BMPR2: variants seen among roughly 807,000 people sequenced by gnomAD.
BMPR2 encodes the protein bone morphogenetic protein receptor type-2.
A neutral mutation model predicts 100.8 loss-of-function variants in BMPR2; 29 were observed. That is an observed-to-expected ratio of 0.29 (90% CI 0.21 to 0.39). The LOEUF (loss-of-function observed/expected upper bound fraction) is 0.39, where lower values mean the gene tolerates loss of function less well. Among genes scored for constraint, BMPR2 ranks in the 10% least tolerant of loss-of-function variants. The pLI is 1.00. For synonymous variants in BMPR2, 382 were observed against 442.3 expected (o/e 0.86, Z 1.71); for missense variants, 1,011 against 1,274.5 (o/e 0.79, Z 3.15).
In BMPR2 at chr2:202,542,974, C is replaced by T. The variant is rs914083614; in HGVS notation, c.1413+527C>T. Among the ~76,000 whole-genome samples the T allele has an allele frequency of 2.6e-5, 4 of 151,552 alleles. No homozygotes were observed. The East Asian group carries it at 5.8e-4, about 22-fold the overall frequency. On this transcript the variant is annotated intron_variant, in intron 10 of 12. Coordinates refer to ENST00000374580, the MANE Select transcript of BMPR2 (RefSeq NM_001204.7). ...GGCAGATTGCCTGAGCTCAGGAGTT[C>T]GCGACCAGCCTGGGCAACATGGTGA...
intron 3 of BMPR2, among the ~76,000 whole-genome samples, chr2:202,477,425 T>C (rs1056623257): frequency 7.2e-5 from 11 of 152,176 alleles, no homozygotes; most frequent in Non-Finnish European, 1.5e-4. Context: ...ATGATATTTG[T>C]TGTTTCCTAT....
chr2:202,495,785 A>C lies in BMPR2; in HGVS notation c.419-17934A>C, dbSNP rs1431531993. ...TTCATTCTCTCCAATATATGAATTAATAATCCATTTCAGATTTTGAATTAA... is the reference window on the plus strand; with the variant it reads ...TTCATTCTCTCCAATATATGAATTACTAATCCATTTCAGATTTTGAATTAA... On this transcript the variant is annotated intron_variant, in intron 3 of 12. Transcript: ENST00000374580. This position sits in a 1 kb window ranked among gnomAD's most constrained non-coding sequence, Gnocchi z 4.5. Among the ~76,000 whole-genome samples the C allele has an allele frequency of 6.6e-6, 1 of 152,228 alleles. No individual in the cohort carries two copies. Among genetic ancestry groups the C allele is most frequent in the Non-Finnish European group, 1.5e-5 (1 of 68,040 alleles).
At position 202,513,740 on chromosome 2, in the gene BMPR2, G is replaced by C; in HGVS notation, c.440G>C (p.Arg147Pro). 6.2e-7 allele frequency: 1 copy of C among 1,612,496 alleles called. No homozygotes were observed. The highest frequency in any genetic ancestry group is 8.5e-7 in the Non-Finnish European group (1 of 1,179,252). ...TTAGGTCCACCTCATTCATTTAACCGAGATGAGACAATAATCATTGCTTTG... is the reference window on the plus strand; with the variant it reads ...TTAGGTCCACCTCATTCATTTAACCCAGATGAGACAATAATCATTGCTTTG... ...TPLSPPHSFN[R>P]DETIIIALAS... is the part of the protein sequence containing the mutation. Residue 147 changes from arginine (R) to proline (P), a missense_variant, in exon 4 of 13, where the codon CGA (arginine) becomes CCA (proline). Physicochemically the swap from Arg to Pro is moderately radical, Grantham distance 103 (BLOSUM62 -2). This residue lies in a region of BMPR2 where 355 missense variants were observed against 455.3 expected (regional missense o/e 0.78). Transcript: ENST00000374580.
chr2:202,421,922 T>G (rs1001370912), intron 1 of BMPR2, among the ~76,000 whole-genome samples: 2 of 152,190 alleles, frequency 1.3e-5, no homozygotes, highest in African/African-American at 2.4e-5. Context: ...TTGTGGTGGT[T>G]GTTTTGAGAT....
At chr2:202,415,311 A>C (rs1268840543) in intron 1 of BMPR2, among the ~76,000 whole-genome samples, 1 of 152,046 alleles carries the variant, frequency 6.6e-6, no homozygotes, top group African/African-American at 2.4e-5. Context: ...CTCTACTAAA[A>C]ATACAAAAAA....
At position 202,514,996 on chromosome 2, in the gene BMPR2, A is replaced by C; in HGVS notation, c.621+17A>C. 2 of 1,605,382 alleles carry C rather than the reference A, an allele frequency of 1.2e-6. No homozygotes were observed. The highest frequency in any genetic ancestry group is 1.7e-6 in the Non-Finnish European group (2 of 1,172,112). Reference sequence around the variant, plus strand: ...CTGTTGGAGGTAAGTTTGCCGTTAGATTATGGACTGTTGTTTCTACTGTGA... The same window carrying C: ...CTGTTGGAGGTAAGTTTGCCGTTAGCTTATGGACTGTTGTTTCTACTGTGA... On this transcript the variant is annotated intron_variant, in intron 5 of 12. Transcript: ENST00000374580.
rs867109985 is a variant in BMPR2, at chr2:202,496,468, C to A, written c.419-17251C>A. 7.9e-5 allele frequency among the ~76,000 whole-genome samples: 12 copies of A among 151,878 alleles called. No homozygotes were observed. In the South Asian group the frequency reaches 8.3e-4, roughly 11 times the overall value. On this transcript the variant is annotated intron_variant, in intron 3 of 12. Transcript: ENST00000374580. ...CTCCAGCCTGAGCGACAAAGTGAGA[C>A]CCTGTCTCAAAAACAAAAACAAAAA...
In BMPR2 at chr2:202,507,316, G is replaced by T. The variant is rs183217812; in HGVS notation, c.419-6403G>T. 2.0e-5 allele frequency among the ~76,000 whole-genome samples: 3 copies of T among 152,274 alleles called. No homozygotes were observed. The East Asian group carries it at 5.8e-4, about 29-fold the overall frequency. ...GGTTTTCTGACTTGTTATCAGGGAA[G>T]TGTTTTGGCTTGTTACTAAGATGGG... On this transcript the variant is annotated intron_variant, in intron 3 of 12. Transcript: ENST00000374580.
chr2:202,419,023 G>A (rs906344766), intron 1 of BMPR2, among the ~76,000 whole-genome samples: 2 of 152,146 alleles, frequency 1.3e-5, no homozygotes, highest in South Asian at 4.1e-4. Context: ...GCCACATTAT[G>A]TAGGGTTAAA....
chr2:202,465,630 G>A (rs1353930150), intron 2 of BMPR2, among the ~76,000 whole-genome samples: 4 of 151,544 alleles, frequency 2.6e-5, no homozygotes, highest in Admixed American at 1.3e-4. Context: ...AGGCCGAGGC[G>A]GGTGGATCAC....
rs770289371 is a variant in BMPR2 at position 202,542,280 on chromosome 2, T to A, written c.1277-31T>A. ...TATCATTTATGATAGTTAGAAATTTTATTCTGTCATTCTTTTCTACAAATC... is the reference window on the plus strand; with the variant it reads ...TATCATTTATGATAGTTAGAAATTTAATTCTGTCATTCTTTTCTACAAATC... On this transcript the variant is annotated intron_variant, in intron 9 of 12. Transcript: ENST00000374580. The A allele has an allele frequency of 3.7e-6, 6 of 1,612,112 alleles. No individual in the cohort carries two copies. The East Asian group carries it at 1.3e-4, about 36-fold the overall frequency.
chr2:202,556,156 C>G lies in BMPR2; in HGVS notation c.2491C>G (p.Leu831Val), dbSNP rs1378210145. Residue 831 changes from leucine (L) to valine (V), a missense_variant, in exon 12 of 13, where the codon CTA (leucine) becomes GTA (valine). Leu to Val is a conservative substitution (Grantham distance 32). Coordinates refer to ENST00000374580, the MANE Select transcript of BMPR2 (RefSeq NM_001204.7). ...AACCCAATATGCCAATGGGACAGTA[C>G]TATCTGGCCAAACAACCAACATAGT... is the stretch of plus-strand genomic sequence containing the variant. ...ATTQYANGTV[L>V]SGQTTNIVTH... 6.2e-7 allele frequency: 1 copy of G among 1,612,494 alleles called. No homozygotes were observed. Among genetic ancestry groups the G allele is most frequent in the Middle Eastern group, 1.7e-4 (1 of 6,056 alleles).
chr2:202,534,734 G>A (rs1303493300), intron 9 of BMPR2, among the ~76,000 whole-genome samples: 1 of 151,834 alleles, frequency 6.6e-6, no homozygotes, highest in Non-Finnish European at 1.5e-5. Context: ...ATTCCACAAA[G>A]CCGCCATTGT....
intron 1 of BMPR2, among the ~76,000 whole-genome samples, chr2:202,441,989 C>A (rs955666486): frequency 1.3e-5 from 2 of 149,566 alleles, no homozygotes; most frequent in Non-Finnish European, 2.9e-5. Context: ...GCCGAGATCA[C>A]GCCATTGCAC....
chr2:202,490,442 G>C (rs1692877563), intron 3 of BMPR2, among the ~76,000 whole-genome samples: 1 of 152,038 alleles, frequency 6.6e-6, no homozygotes, highest in African/African-American at 2.4e-5. Context: ...CTTATTTTTT[G>C]TGTATGGTAT....
At chr2:202,406,121 T>G (rs893726000) in intron 1 of BMPR2, among the ~76,000 whole-genome samples, 12 of 152,214 alleles carry the variant, frequency 7.9e-5, no homozygotes, top group African/African-American at 2.4e-4. Context: ...AGAAAAGGAA[T>G]TATGGGTGGC....
intron 1 of BMPR2, among the ~76,000 whole-genome samples, chr2:202,388,223 CCT>C (rs902499089): frequency 7.9e-5 from 12 of 151,298 alleles, no homozygotes; most frequent in Admixed American, 7.3e-4. Context: ...GTGATGAAAC[CCT>C]GTCTCTACTG....
intron 3 of BMPR2, among the ~76,000 whole-genome samples, chr2:202,506,759 G>T (rs1045893959): frequency 4.1e-4 from 62 of 152,074 alleles, no homozygotes; most frequent in African/African-American, 1.4e-3. Context: ...AATTAGTTGG[G>T]CGTGGTGGCA....
chr2:202,490,622 T>C (rs1692881600), intron 3 of BMPR2, among the ~76,000 whole-genome samples: 1 of 152,226 alleles, frequency 6.6e-6, no homozygotes, highest in Admixed American at 6.5e-5. Context: ...GGATTAAAAA[T>C]AGAACTTCCT....
Sources: gnomAD v4.1 joint callset for allele counts (sites outside exome capture counted in the v4.1 genomes callset) on GRCh38, gnomAD v4.1.1 for gene constraint, gnomAD v4.1.1 regional missense constraint, Gnocchi (gnomAD v3.1) non-coding constraint, MANE v1.5 for transcripts, NCBI Gene and HGNC (gene_info 2026-07-23, HGNC 2026-07-21) for gene names.